Variants in JAK2 observed in about 807,000 individuals in gnomAD.
JAK2 encodes the protein tyrosine-protein kinase JAK2.
Under a neutral mutation model 139.3 loss-of-function variants are expected in JAK2, and 86 were observed. The observed-to-expected ratio is 0.62, with a 90% CI of 0.52 to 0.74. The LOEUF (loss-of-function observed/expected upper bound fraction) is 0.74, where lower values mean the gene tolerates loss of function less well. JAK2 is among the 30% of genes least tolerant of loss of function. The pLI is 0.00. For missense variants in JAK2, 1,421 were observed against 1,360.3 expected, an observed-to-expected ratio of 1.04 and a Z score of -0.70; for synonymous variants, 490 against 437.7, an observed-to-expected ratio of 1.12 and a Z score of -1.49.
Position 5,123,129 on chromosome 9 carries a change from T to G in JAK2, c.3177+8T>G. 1 of 1,530,542 alleles carries G rather than the reference T, an allele frequency of 6.5e-7. No individual in the cohort carries two copies. The highest frequency in any genetic ancestry group is 8.9e-7 in the Non-Finnish European group (1 of 1,121,554). 94.8% of individuals were successfully genotyped at this position (1,530,542 alleles called of 1,614,324 possible). A position where few individuals can be genotyped will look rare whatever the true frequency, so the allele number is the denominator to read the frequency against. On this transcript the variant is annotated splice_region_variant and intron_variant, in intron 23 of 24. Transcript: ENST00000381652. ...AGTAAAAGTCCACCAGCGGTCAGTG[T>G]GCTTTTTATTTACTTTCAGTTTTTT...
At chr9:4,990,477 A>T (rs992673078) in intron 2 of JAK2, among the ~76,000 whole-genome samples, 1 of 152,180 alleles carries the variant, frequency 6.6e-6, no homozygotes, top group African/African-American at 2.4e-5. Context: ...AATTGATAGC[A>T]TACAGTGGGA....
chr9:5,041,184 T>C (rs1816478033), intron 4 of JAK2: 4 of 1,359,556 alleles, frequency 2.9e-6, no homozygotes, highest in Non-Finnish European at 4.1e-6. Context: ...AAGAACCTCA[T>C]TTACCAGGAC....
chr9:5,000,706 T>A (rs931038481), intron 2 of JAK2, among the ~76,000 whole-genome samples: 3 of 152,200 alleles, frequency 2.0e-5, no homozygotes, highest in Non-Finnish European at 4.4e-5. Context: ...CTGTAATTTC[T>A]CCGGTGTCTT....
In JAK2 at chr9:5,129,769, CTGAG is replaced by C. The variant is rs1172160118; in HGVS notation, c.*2979_*2982del. ...AGTGATATTAGATTTCAAAATGACA[CTGAG>C]AGAACTGAAAAACTACATCAGTCAA... On this transcript the variant is annotated 3_prime_UTR_variant, in exon 25 of 25. Transcript: ENST00000381652. Among the ~76,000 whole-genome samples the C allele has an allele frequency of 6.6e-6, 1 of 152,222 alleles. No homozygotes were observed. The highest frequency in any genetic ancestry group is 1.9e-4 in the East Asian group (1 of 5,196).
chr9:5,123,380 G>C (rs1372738554), intron 23 of JAK2, among the ~76,000 whole-genome samples: 1 of 151,774 alleles, frequency 6.6e-6, no homozygotes, highest in Non-Finnish European at 1.5e-5. Flanking sequence ...ACATTATATA[G>C]CTCCCGCTTA....
chr9:5,054,437 C>T lies in JAK2; in HGVS notation c.615-126C>T. The T allele has an allele frequency of 2.8e-6, 2 of 708,352 alleles. No individual in the cohort carries two copies. Among genetic ancestry groups the T allele is most frequent in the Non-Finnish European group, 2.4e-6 (1 of 420,780 alleles). 43.9% of individuals were successfully genotyped at this position (708,352 alleles called of 1,614,324 possible). ...ATGGGGGTTATGTCAACTTACGCCA[C>T]TTGGCCACTGTGTTGTAAGGCCTAC... On this transcript the variant is annotated intron_variant, in intron 6 of 24. Transcript: ENST00000381652. The surrounding 1 kb of genome is among the most constrained non-coding windows in gnomAD (Gnocchi z 4.9).
chr9:5,037,558 G>C (rs1338614626), intron 4 of JAK2, among the ~76,000 whole-genome samples: 3 of 152,156 alleles, frequency 2.0e-5, no homozygotes, highest in Admixed American at 6.5e-5. Flanking sequence ...TCCTTTGTAG[G>C]GACATGGATG....
intron 3 of JAK2, among the ~76,000 whole-genome samples, chr9:5,023,435 G>C (rs183011832): frequency 1.3e-5 from 2 of 152,150 alleles, no homozygotes; most frequent in African/African-American, 4.8e-5. Context: ...TTAGGACTCG[G>C]GGGGAGCGTG....
intron 3 of JAK2, among the ~76,000 whole-genome samples, chr9:5,027,594 T>C (rs1822860642): frequency 6.6e-6 from 1 of 152,212 alleles, no homozygotes; most frequent in Non-Finnish European, 1.5e-5. Flanking sequence ...GAAAGATGTC[T>C]CTGTAGTATG....
intron 6 of JAK2, among the ~76,000 whole-genome samples, chr9:5,052,369 T>C (rs1258532175): frequency 6.6e-6 from 1 of 152,106 alleles, no homozygotes; most frequent in Admixed American, 6.6e-5. Context: ...CTCATGCTCT[T>C]AGCCAGGATA....
Position 5,064,782 on chromosome 9 carries a change from AGAAGAAAATTGTATTTAACATGGAAT to A in JAK2, c.1057-90_1057-65del, listed in dbSNP as rs1586728526. 12 of 816,244 alleles carry A rather than the reference AGAAGAAAATTGTATTTAACATGGAAT, an allele frequency of 1.5e-5. No individual in the cohort carries two copies. The East Asian group carries it at 3.1e-4, about 21-fold the overall frequency. The allele number at this position is 816,244 out of a possible 1,614,324, so 50.6% of individuals were successfully genotyped here. A position where few individuals can be genotyped will look rare whatever the true frequency, so the allele number is the denominator to read the frequency against. ...GAGCCATAAAAGATATGAGCAATTT[AGAAGAAAATTGTATTTAACATGGAAT>A]GAAGAAAATTTTCAATATTTAACAT... On this transcript the variant is annotated intron_variant, in intron 8 of 24. Transcript: ENST00000381652.
chr9:5,126,916 G>T lies in JAK2; in HGVS notation c.*125G>T, dbSNP rs767898973. On this transcript the variant is annotated 3_prime_UTR_variant, in exon 25 of 25. Transcript: ENST00000381652. ...AATCATGATGCTAGCCAGCAAAGAT[G>T]TGAAAATATCTGCTCAAAACTTTCA... is the stretch of plus-strand genomic sequence containing the variant. 8 of 502,090 alleles carry T rather than the reference G, an allele frequency of 1.6e-5. No individual in the cohort carries two copies. The highest frequency in any genetic ancestry group is 1.2e-4 in the Admixed American group (3 of 24,182). The allele number at this position is 502,090 out of a possible 1,614,324, so 31.1% of individuals were successfully genotyped here.
chr9:5,110,016 GT>G (rs1822317486), intron 22 of JAK2: 1 of 152,180 alleles, frequency 6.6e-6, no homozygotes, highest in Non-Finnish European at 1.5e-5. Flanking sequence ...TTTTATTTTA[GT>G]TATAGCATGG....
chr9:5,086,664 A>C (rs1043560279), intron 19 of JAK2, among the ~76,000 whole-genome samples: 4 of 152,116 alleles, frequency 2.6e-5, no homozygotes, highest in African/African-American at 9.7e-5. Context: ...TGAACTCTAT[A>C]ATCCCATGTA....
At chr9:5,074,878 C>T (rs541348495) in intron 14 of JAK2, among the ~76,000 whole-genome samples, 1 of 152,204 alleles carries the variant, frequency 6.6e-6, no homozygotes, top group Non-Finnish European at 1.5e-5. Flanking sequence ...AAGCTGAAAG[C>T]TAGGCCTCTT....
chr9:5,115,970 TG>T (rs978151410), intron 22 of JAK2, among the ~76,000 whole-genome samples: 5 of 152,056 alleles, frequency 3.3e-5, no homozygotes, highest in African/African-American at 1.2e-4. Flanking sequence ...GATGGGTTGA[TG>T]GGTGCAGCAA....
chr9:5,032,064 T>C (rs781459380), intron 4 of JAK2, among the ~76,000 whole-genome samples: 17 of 152,244 alleles, frequency 1.1e-4, no homozygotes, highest in Non-Finnish European at 2.2e-4. Flanking sequence ...CCCACTCTAA[T>C]ACTGCGCTAT....
chr9:5,123,218 T>C, intron 23 of JAK2, 97 bp downstream of exon 23: 1 of 703,014 alleles, frequency 1.4e-6, no homozygotes. Flanking sequence ...ATGCATACAT[T>C]GCATAGTGGT....
chr9:5,003,338 G>A (rs4372063), intron 2 of JAK2, among the ~76,000 whole-genome samples: 101,899 of 151,776 alleles, frequency 0.67, 35,718 homozygotes, highest in African/African-American at 0.89. Flanking sequence ...GAGTTTTTCT[G>A]TATTCTTATA....
Sources: allele counts gnomAD v4.1 joint callset (sites outside exome capture counted in the v4.1 genomes callset), GRCh38; gene constraint gnomAD v4.1.1; non-coding constraint Gnocchi (gnomAD v3.1); transcripts MANE v1.5; gene names NCBI Gene and HGNC (gene_info 2026-07-23, HGNC 2026-07-21).